FAM50A: variants seen among roughly 807,000 people sequenced by gnomAD.
FAM50A encodes the protein protein FAM50A.
FAM50A carries 6 observed loss-of-function variants against 35.5 expected under a neutral mutation model. That is an observed-to-expected ratio of 0.17 (90% CI 0.09 to 0.33). The LOEUF is 0.33. Among genes scored for constraint, FAM50A ranks in the 10% least tolerant of loss-of-function variants. The pLI is 1.00. For synonymous variants in FAM50A, 120 were observed against 110.9 expected, an observed-to-expected ratio of 1.08 and a Z score of -0.52; for missense variants, 145 against 295.5, an observed-to-expected ratio of 0.49 and a Z score of 3.73.
Position 154,450,572 on chromosome X carries a change from C to A in FAM50A, c.*140C>A. 3.6e-6 allele frequency: 2 copies of A among 558,882 alleles called. No homozygotes were observed. The highest frequency in any genetic ancestry group is 5.8e-6 in the Non-Finnish European group (2 of 345,141). 46.1% of individuals were successfully genotyped at this position (558,882 alleles called of 1,213,427 possible). ...GACGGCAGCTGCTCGTGTCCTGCCC[C>A]TGCCACATCAGTGACTGCTTTATTC... On this transcript the variant is annotated 3_prime_UTR_variant, in exon 13 of 13. Coordinates refer to ENST00000393600, the MANE Select transcript of FAM50A (RefSeq NM_004699.4).
At chrX:154,445,971 G>T (rs1000080652) in intron 3 of FAM50A, 60 bp downstream of exon 3, 3 of 974,167 alleles carry the variant, frequency 3.1e-6, no homozygotes, top group Non-Finnish European at 4.3e-6. Flanking sequence ...CCCGTGGCTG[G>T]TCGGGCTCTT....
chrX:154,445,401 C>T, intron 1 of FAM50A: 1 of 437,520 alleles, frequency 2.3e-6, no homozygotes, highest in East Asian at 3.8e-5. Flanking sequence ...TGGCTTCAGG[C>T]TACTGAGGGA....
chrX:154,446,520 AGAG>A lies in FAM50A; in HGVS notation c.407_409del (p.Glu136del), dbSNP rs1486567373. The A allele has an allele frequency of 3.4e-6, 4 of 1,190,488 alleles. No individual in the cohort carries two copies. In the African/African-American group the frequency reaches 5.3e-5, roughly 16 times the overall value. ...AGGAAGAAGAGGGAGGCGAGGAGGA[AGAG>A]GAGGCGGCCATGTATGAGGAGGAGA... On this transcript the variant is annotated inframe_deletion, in exon 4 of 13. Transcript: ENST00000393600.
intron 4 of FAM50A, among the ~76,000 whole-genome samples, chrX:154,448,068 C>CTTTTTTTTTTTTTTTTTT (rs782137009): frequency 1.3e-5 from 1 of 76,513 alleles, no homozygotes; most frequent in Admixed American, 1.3e-4. Flanking sequence ...TCTTTTTTTT[C>CTTTTTTTTTTTTTTTTTT]TTTCTTTTTT....
rs1243082768 is a variant in FAM50A, at chrX:154,444,176, C to CCGCTGT, written c.-50_-45dup. ...TCGGCCGCCACCGCCGCTGCCGCTG[C>CCGCTGT]CGCTGTCGCTGTCGCCGCCGCCGCC... On this transcript the variant is annotated 5_prime_UTR_variant, in exon 1 of 13. Transcript: ENST00000393600. 2.9e-5 allele frequency: 12 copies of CCGCTGT among 409,549 alleles called. No homozygotes were observed. The highest frequency in any genetic ancestry group is 8.4e-5 in the African/African-American group (3 of 35,921). The allele number at this position is 409,549 out of a possible 1,213,427, so 33.8% of individuals were successfully genotyped here. A position where few individuals can be genotyped will look rare whatever the true frequency, so the allele number is the denominator to read the frequency against.
rs782192216 is a variant in FAM50A at position 154,449,941 on chromosome X, G to A, written c.829+10G>A. ...GCACGGGGGAAGAGTGGTGAGTGCC[G>A]CCGACCCAGCCGCCCCCATAGCACC... On this transcript the variant is annotated intron_variant, in intron 10 of 12. Coordinates refer to ENST00000393600, the MANE Select transcript of FAM50A (RefSeq NM_004699.4). 2 of 1,210,401 alleles carry A rather than the reference G, an allele frequency of 1.7e-6. No individual in the cohort carries two copies. Among genetic ancestry groups the A allele is most frequent in the Non-Finnish European group, 2.2e-6 (2 of 894,354 alleles).
chrX:154,445,274 C>A (rs1387360462), intron 1 of FAM50A, among the ~76,000 whole-genome samples: 1 of 111,545 alleles, frequency 9.0e-6, no homozygotes, highest in Non-Finnish European at 1.9e-5. Flanking sequence ...CAGGGAGGGG[C>A]CAGGCCCCTC....
rs1358844291 is a variant in FAM50A, at chrX:154,444,184, GCTGTCGCCGCCGCCGCCGC to G, written c.-50_-32del. 12 of 467,346 alleles carry G rather than the reference GCTGTCGCCGCCGCCGCCGC, an allele frequency of 2.6e-5. No individual in the cohort carries two copies. The South Asian group carries it at 3.2e-4, about 12-fold the overall frequency. 38.5% of individuals were successfully genotyped at this position (467,346 alleles called of 1,213,427 possible). Reference sequence around the variant, plus strand: ...CACCGCCGCTGCCGCTGCCGCTGTCGCTGTCGCCGCCGCCGCCGCCCGCCGCCGCCGCCGCCGCCGCCGC... The same window carrying G: ...CACCGCCGCTGCCGCTGCCGCTGTCGCCGCCGCCGCCGCCGCCGCCGCCGC... On this transcript the variant is annotated 5_prime_UTR_variant, in exon 1 of 13. Coordinates refer to ENST00000393600, the MANE Select transcript of FAM50A (RefSeq NM_004699.4).
Position 154,449,686 on chromosome X carries a change from C to T in FAM50A, c.731C>T (p.Ala244Val). The T allele has an allele frequency of 8.3e-7, 1 of 1,210,323 alleles. No homozygotes were observed. Among genetic ancestry groups the T allele is most frequent in the Non-Finnish European group, 1.1e-6 (1 of 894,158 alleles). The change falls in exon 9 of 13, where the codon GCA (alanine) becomes GTA (valine). Residue 244 changes from alanine (A) to valine (V), a missense_variant. Ala to Val is a moderately conservative substitution (Grantham distance 64). This residue lies in a region of FAM50A where 59 missense variants were observed against 164.5 expected (regional missense o/e 0.36). Coordinates refer to ENST00000393600, the MANE Select transcript of FAM50A (RefSeq NM_004699.4). ...CTCCTGCCTTCCTCCCTCAGGTCCG[C>T]AGGGGTGGAGCAGCTCATGTACATC... ...LRKDFSELRS[A>V]GVEQLMYIKE...
Position 154,445,655 on chromosome X carries a change from T to C in FAM50A, c.134T>C (p.Ile45Thr). ...IAEENIMKSN[I>T]DKKFSAHYDA... is the part of the protein sequence containing the mutation. Reference sequence around the variant, plus strand: ...CAGGAGAACATCATGAAATCCAACATTGACAAGAAGTTCTCTGCGCACTAC... The same window carrying C: ...CAGGAGAACATCATGAAATCCAACACTGACAAGAAGTTCTCTGCGCACTAC... The change falls in exon 2 of 13, where the codon ATT (isoleucine) becomes ACT (threonine). Residue 45 changes from isoleucine (I) to threonine (T), a missense_variant. This residue lies in a region of FAM50A where 31 missense variants were observed against 75.2 expected (regional missense o/e 0.41). Coordinates refer to ENST00000393600, the MANE Select transcript of FAM50A (RefSeq NM_004699.4). 8.3e-7 allele frequency: 1 copy of C among 1,208,568 alleles called. No homozygotes were observed. Among genetic ancestry groups the C allele is most frequent in the Non-Finnish European group, 1.1e-6 (1 of 893,783 alleles).
rs782505211 is a variant in FAM50A at position 154,449,311 on chromosome X, G to A, written c.725+14G>A. The A allele has an allele frequency of 4.2e-6, 5 of 1,176,612 alleles. No homozygotes were observed. Among genetic ancestry groups the A allele is most frequent in the East Asian group, 3.0e-5 (1 of 33,741 alleles). On this transcript the variant is annotated intron_variant, in intron 8 of 12. Coordinates refer to ENST00000393600, the MANE Select transcript of FAM50A (RefSeq NM_004699.4). ...CAGTGAGCTGAGGTGTGAGGTGTGC[G>A]TGTGTGCACGGTGGTGTGTGTGGCA...
intron 4 of FAM50A, 74 bp from the exon 5 acceptor site, chrX:154,448,410 G>A: frequency 1.1e-6 from 1 of 919,518 alleles, no homozygotes; most frequent in Non-Finnish European, 1.6e-6. Flanking sequence ...GTATGCTTGG[G>A]GGACCCTGGG....
chrX:154,449,982 T>C (rs1410542465), intron 10 of FAM50A, 47 bp from the exon 11 acceptor site: 1 of 1,205,112 alleles, frequency 8.3e-7, no homozygotes, highest in Non-Finnish European at 1.1e-6. Flanking sequence ...GCCGATGTTG[T>C]CACTGGGGCA....
At chrX:154,447,150 T>G (rs2068785624) in intron 4 of FAM50A, among the ~76,000 whole-genome samples, 1 of 111,751 alleles carries the variant, frequency 8.9e-6, no homozygotes, top group Admixed American at 9.4e-5. Flanking sequence ...AGGGGAGGGT[T>G]GAGTTAGGCC....
At chrX:154,446,119 C>T (rs1557199792) in intron 3 of FAM50A, 1 of 443,983 alleles carries the variant, frequency 2.3e-6, no homozygotes, top group African/African-American at 2.5e-5. Flanking sequence ...CTTTCTGACC[C>T]TCTAAATGCA....
In FAM50A at chrX:154,444,273, G is replaced by A; in HGVS notation, c.38G>A (p.Arg13His). Residue 13 changes from arginine (R) to histidine (H), a missense_variant, in exon 1 of 13, where the codon CGC becomes CAC. By Grantham distance (29) the Arg-to-His change is conservative. This residue lies in a region of FAM50A where 4 missense variants were observed against 16.6 expected (regional missense o/e 0.24). Transcript: ENST00000393600. ...QYKGAASEAGRAMHLMKKREK... is the reference protein window; with the variant it reads ...QYKGAASEAGHAMHLMKKREK... ...AAGGGCGCCGCGAGCGAGGCCGGCC[G>A]CGCCATGCACCTGATGAAGAAGCGG... The A allele has an allele frequency of 9.1e-7, 1 of 1,103,734 alleles. No individual in the cohort carries two copies. Among genetic ancestry groups the A allele is most frequent in the Admixed American group, 3.0e-5 (1 of 33,850 alleles). 91.0% of individuals were successfully genotyped at this position (1,103,734 alleles called of 1,213,427 possible). A position where few individuals can be genotyped will look rare whatever the true frequency, so the allele number is the denominator to read the frequency against.
chrX:154,445,559 C>T (rs371551520), intron 1 of FAM50A, 74 bp from the exon 2 acceptor site: 36 of 818,866 alleles, frequency 4.4e-5, no homozygotes, highest in Non-Finnish European at 6.5e-5. Context: ...TGGACTATAA[C>T]GCAGGTCCTT....
intron 1 of FAM50A, 46 bp downstream of exon 1, chrX:154,444,392 G>A: frequency 2.1e-6 from 1 of 467,392 alleles, no homozygotes; most frequent in Non-Finnish European, 2.6e-6. Flanking sequence ...CCAGGTCCCC[G>A]GCGGCCCCGC....
rs782164633 is a variant in FAM50A, at chrX:154,445,817, G to A, written c.202G>A (p.Val68Met). 3 of 1,209,874 alleles carry A rather than the reference G, an allele frequency of 2.5e-6. No homozygotes were observed. The highest frequency in any genetic ancestry group is 1.8e-5 in the South Asian group (1 of 56,926). ...AELKSSTVGL[V>M]TLNDMKAKQE... ...TGTGCCTCCTTGCTTCAAAGGTCTC[G>A]TGACCCTGAATGACATGAAGGCCAA... The change falls in exon 3 of 13, where the codon GTG becomes ATG. Residue 68 changes from valine (V) to methionine (M), a missense_variant. Physicochemically the swap from Val to Met is conservative, Grantham distance 21 (BLOSUM62 1). This residue lies in a region of FAM50A where 31 missense variants were observed against 75.2 expected (regional missense o/e 0.41). Transcript: ENST00000393600.
Sources: allele counts gnomAD v4.1 joint callset (sites outside exome capture counted in the v4.1 genomes callset), GRCh38; gene constraint gnomAD v4.1.1; regional missense constraint gnomAD v4.1.1; transcripts MANE v1.5; gene names NCBI Gene and HGNC (gene_info 2026-07-23, HGNC 2026-07-21).